The following PLXNA4 variants were observed in gnomAD, a reference collection of about 807,000 sequenced individuals.
PLXNA4 encodes the protein plexin-A4.
PLXNA4 carries 44 observed loss-of-function variants against 191.8 expected under a neutral mutation model. The ratio of observed to expected loss-of-function variants is 0.23; its 90% confidence interval spans 0.18 to 0.29. PLXNA4 has a LOEUF of 0.29. PLXNA4 is among the 10% of genes least tolerant of loss of function. The probability of loss-of-function intolerance (pLI) is 1.00; values close to 1 mark genes in which losing one functional copy is unlikely to be tolerated. For synonymous variants in PLXNA4, 1,082 were observed against 1,009.5 expected (o/e 1.07, Z -1.36); for missense variants, 1,800 against 2,488.8 (o/e 0.72, Z 5.89).
intron 2 of PLXNA4, among the ~76,000 whole-genome samples, chr7:132,613,662 C>A (rs2116857177): frequency 6.6e-6 from 1 of 152,216 alleles, no homozygotes; most frequent in South Asian, 2.1e-4. Context: ...CGCAAAGTAG[C>A]ATGTGTGATA....
chr7:132,472,239 G>T (rs952001216), intron 3 of PLXNA4, among the ~76,000 whole-genome samples: 6 of 152,106 alleles, frequency 3.9e-5, no homozygotes, highest in African/African-American at 1.4e-4. Context: ...TTTTCTTGGG[G>T]CCTAGCAAGG....
At chr7:132,244,245 C>T (rs1798974446) in intron 4 of PLXNA4, among the ~76,000 whole-genome samples, 1 of 152,094 alleles carries the variant, frequency 6.6e-6, no homozygotes, top group Non-Finnish European at 1.5e-5. Flanking sequence ...GTCTGAATTC[C>T]CTCTCAGTCC....
chr7:132,410,193 C>G (rs967771183), intron 3 of PLXNA4, among the ~76,000 whole-genome samples: 1 of 152,074 alleles, frequency 6.6e-6, no homozygotes, highest in Non-Finnish European at 1.5e-5. Context: ...CCCACCTCCC[C>G]GTGCCCCCCT....
At position 132,507,895 on chromosome 7, in the gene PLXNA4, G is replaced by C; in HGVS notation, c.799C>G (p.Pro267Ala). The C allele has an allele frequency of 1.2e-6, 2 of 1,614,160 alleles. No individual in the cohort carries two copies. The highest frequency in any genetic ancestry group is 8.5e-7 in the Non-Finnish European group (1 of 1,180,030). ...ACCTGCTCCTTGGTGGTGGAGCCTGGTGGAGACACCATCTCAGGTTGGAGG... is the reference window on the plus strand; with the variant it reads ...ACCTGCTCCTTGGTGGTGGAGCCTGCTGGAGACACCATCTCAGGTTGGAGG... ...LTLQPEMVSP[P>A]GSTTKEQVYT... is the part of the protein sequence containing the mutation. Residue 267 changes from proline to alanine, a missense_variant, in exon 2 of 32, where the codon CCA becomes GCA. Around this residue, in one of 6 missense-constraint regions of PLXNA4, gnomAD observed 1,397 missense variants for 1,880.4 expected, o/e 0.74. Coordinates refer to ENST00000321063, the MANE Select transcript of PLXNA4 (RefSeq NM_020911.2).
intron 3 of PLXNA4, among the ~76,000 whole-genome samples, chr7:132,336,527 C>T (rs1802823713): frequency 6.6e-6 from 1 of 152,144 alleles, no homozygotes; most frequent in African/African-American, 2.4e-5. Flanking sequence ...TAGAGATATT[C>T]CAGAACAGAA....
At chr7:132,445,188 T>C (rs1279012905) in intron 3 of PLXNA4, among the ~76,000 whole-genome samples, 3 of 140,356 alleles carry the variant, frequency 2.1e-5, no homozygotes, top group East Asian at 4.7e-4. Flanking sequence ...AAAAAAAATT[T>C]GTTCTCATGA....
At chr7:132,572,481 C>T (rs939597475) in intron 1 of PLXNA4, among the ~76,000 whole-genome samples, 2 of 152,192 alleles carry the variant, frequency 1.3e-5, no homozygotes, top group Non-Finnish European at 2.9e-5. Flanking sequence ...TGTGTGGGGG[C>T]ATACACAGAC....
intron 2 of PLXNA4, among the ~76,000 whole-genome samples, chr7:132,644,131 A>G (rs991547967): frequency 6.6e-6 from 1 of 152,206 alleles, no homozygotes; most frequent in Non-Finnish European, 1.5e-5. Context: ...TAGAGGAGTG[A>G]GTGAGCAAAT....
intron 28 of PLXNA4, 78 bp downstream of exon 28, chr7:132,146,432 C>T: frequency 1.2e-6 from 2 of 1,611,810 alleles, no homozygotes; most frequent in Non-Finnish European, 1.7e-6. Context: ...GTACTGGCTA[C>T]TCTGGCATTT....
intron 3 of PLXNA4, among the ~76,000 whole-genome samples, chr7:132,324,509 T>C (rs979689741): frequency 3.3e-5 from 5 of 152,172 alleles, no homozygotes; most frequent in African/African-American, 9.7e-5. Context: ...AGGTTAATGG[T>C]TTGAGAGTAT....
Position 132,357,396 on chromosome 7 carries a change from G to A in PLXNA4, c.1372-59174C>T, listed in dbSNP as rs533959124. On this transcript the variant is annotated intron_variant, in intron 3 of 31. Coordinates refer to ENST00000321063, the MANE Select transcript of PLXNA4 (RefSeq NM_020911.2). Reference sequence around the variant, plus strand: ...AAAGGGCTTCTTGCACGGTTTTCTCGTCATCAGGAGTGCATGTCTCAAGGA... The same window carrying A: ...AAAGGGCTTCTTGCACGGTTTTCTCATCATCAGGAGTGCATGTCTCAAGGA... Among the ~76,000 whole-genome samples, 9 of 152,220 alleles carry A rather than the reference G, an allele frequency of 5.9e-5. No homozygotes were observed. The South Asian group carries it at 8.3e-4, about 14-fold the overall frequency.
At chr7:132,275,938 C>CCT (rs1563006797) in intron 4 of PLXNA4, among the ~76,000 whole-genome samples, 3 of 152,150 alleles carry the variant, frequency 2.0e-5, no homozygotes, top group Non-Finnish European at 4.4e-5. Flanking sequence ...AGAGTGTTCT[C>CCT]CTTGAAGACA....
intron 3 of PLXNA4, among the ~76,000 whole-genome samples, chr7:132,440,993 A>C (rs779786054): frequency 6.6e-6 from 1 of 152,220 alleles, no homozygotes; most frequent in Admixed American, 6.5e-5. Flanking sequence ...TTATTTGCTA[A>C]AATCCATGCA....
chr7:132,554,765 T>C (rs1800714841), intron 1 of PLXNA4, among the ~76,000 whole-genome samples: 1 of 152,124 alleles, frequency 6.6e-6, no homozygotes, highest in Non-Finnish European at 1.5e-5. Flanking sequence ...AGATGGGCAG[T>C]GTTCATAAAT....
Position 132,130,143 on chromosome 7 carries a change from T to C in PLXNA4, c.*336A>G, listed in dbSNP as rs1280619273. 3.7e-6 allele frequency: 1 copy of C among 272,902 alleles called. No homozygotes were observed. Among genetic ancestry groups the C allele is most frequent in the Non-Finnish European group, 7.2e-6 (1 of 139,058 alleles). The allele number at this position is 272,902 out of a possible 1,614,324, so 16.9% of individuals were successfully genotyped here. A position where few individuals can be genotyped will look rare whatever the true frequency, so the allele number is the denominator to read the frequency against. The stretch of plus-strand genomic sequence containing the variant: ...CCTGTCCCTGGCTCCTCATTCGTTA[T>C]TTGCACCCTGCTGCTGACATGCACA... On this transcript the variant is annotated 3_prime_UTR_variant, in exon 32 of 32. Coordinates refer to ENST00000321063, the MANE Select transcript of PLXNA4 (RefSeq NM_020911.2).
At chr7:132,206,380 G>C (rs534378407) in intron 10 of PLXNA4, among the ~76,000 whole-genome samples, 1 of 152,142 alleles carries the variant, frequency 6.6e-6, no homozygotes, top group African/African-American at 2.4e-5. Context: ...GAGTGTTTCT[G>C]TGCCAGACCC....
intron 4 of PLXNA4, among the ~76,000 whole-genome samples, chr7:132,282,427 A>T (rs1288036254): frequency 2.6e-5 from 4 of 151,700 alleles, no homozygotes; most frequent in African/African-American, 9.7e-5. Flanking sequence ...ACAAAAATTA[A>T]TTGGGCATGG....
intron 3 of PLXNA4, among the ~76,000 whole-genome samples, chr7:132,327,993 G>C (rs1000822804): frequency 6.6e-6 from 1 of 152,136 alleles, no homozygotes; most frequent in Non-Finnish European, 1.5e-5. Context: ...GGAAACCAGC[G>C]GCAGGGTGCA....
intron 3 of PLXNA4, among the ~76,000 whole-genome samples, chr7:132,374,646 G>C (rs971597033): frequency 6.6e-6 from 1 of 152,204 alleles, no homozygotes; most frequent in Admixed American, 6.5e-5. Context: ...GTCACCACTT[G>C]TTGAACCCTC....
Sources: allele counts gnomAD v4.1 joint callset (sites outside exome capture counted in the v4.1 genomes callset), GRCh38; gene constraint gnomAD v4.1.1; regional missense constraint gnomAD v4.1.1; transcripts MANE v1.5; gene names NCBI Gene and HGNC (gene_info 2026-07-23, HGNC 2026-07-21).